Variants in CDK11B observed in about 807,000 individuals in gnomAD.
CDK11B encodes cyclin-dependent kinase 11B.
Under a neutral mutation model 84.0 loss-of-function variants are expected in CDK11B, and 37 were observed. That is an observed-to-expected ratio of 0.44 (90% CI 0.34 to 0.58). The LOEUF (loss-of-function observed/expected upper bound fraction) is 0.58. Among genes scored for constraint, CDK11B ranks in the 20% least tolerant of loss-of-function variants. The pLI is 0.02. For synonymous variants in CDK11B, 269 were observed against 309.8 expected, an observed-to-expected ratio of 0.87 and a Z score of 1.38; for missense variants, 427 against 834.0, an observed-to-expected ratio of 0.51 and a Z score of 6.01.
chr1:1,639,526 C>T (rs1258119026), intron 11 of CDK11B, among the ~76,000 whole-genome samples: 1 of 151,962 alleles, frequency 6.6e-6, no homozygotes, highest in Non-Finnish European at 1.5e-5. Flanking sequence ...CATGATGCCC[C>T]ATGCCAGGGC....
intron 14 of CDK11B, 22 bp downstream of exon 14, chr1:1,637,386 G>T: frequency 1.9e-6 from 3 of 1,609,866 alleles, no homozygotes; most frequent in Non-Finnish European, 1.7e-6. Context: ...TACGCAGACA[G>T]GCCCCTGGGG....
intron 4 of CDK11B, among the ~76,000 whole-genome samples, chr1:1,649,881 C>T (rs1248999596): frequency 1.4e-4 from 20 of 145,146 alleles, no homozygotes; most frequent in African/African-American, 5.1e-4. Context: ...GAGGCTGAGG[C>T]AGAAGAATTG....
At chr1:1,649,393 A>G in intron 5 of CDK11B, 106 bp downstream of exon 5, 1 of 854,126 alleles carries the variant, frequency 1.2e-6, no homozygotes, top group Non-Finnish European at 1.9e-6. Flanking sequence ...GAGCCACCAC[A>G]CCTGGCTCAG....
At chr1:1,650,195 A>G (rs1195473657) in intron 4 of CDK11B, among the ~76,000 whole-genome samples, 47,505 of 140,228 alleles carry the variant, frequency 0.34, 8,841 homozygotes, top group East Asian at 0.51. Flanking sequence ...GCGTGAACCC[A>G]GGAGATGGAA....
intron 3 of CDK11B, among the ~76,000 whole-genome samples, chr1:1,653,090 G>C (rs1642216810): frequency 6.6e-6 from 1 of 152,002 alleles, no homozygotes; most frequent in Admixed American, 6.6e-5. Flanking sequence ...TACGATCTCG[G>C]CTCATTGCAA....
intron 4 of CDK11B, among the ~76,000 whole-genome samples, chr1:1,650,664 C>CTT (rs1185570412): frequency 2.8e-4 from 32 of 114,996 alleles, no homozygotes; most frequent in Middle Eastern, 4.9e-3. Context: ...CGCGCCCGGC[C>CTT]TTTTTTTTTT....
chr1:1,639,526 C>A (rs1258119026), intron 11 of CDK11B, among the ~76,000 whole-genome samples: 3 of 151,962 alleles, frequency 2.0e-5, no homozygotes, highest in Non-Finnish European at 4.4e-5. Flanking sequence ...CATGATGCCC[C>A]ATGCCAGGGC....
intron 6 of CDK11B, among the ~76,000 whole-genome samples, chr1:1,643,684 C>CATT (rs1490538223): frequency 7.0e-6 from 1 of 143,512 alleles, no homozygotes; most frequent in Non-Finnish European, 1.5e-5. Flanking sequence ...AATTCCAGAG[C>CATT]TAATAAGTAC....
chr1:1,650,704 C>T (rs1304174360), intron 4 of CDK11B, among the ~76,000 whole-genome samples: 7 of 139,150 alleles, frequency 5.0e-5, no homozygotes, highest in East Asian at 2.1e-4. Flanking sequence ...GACAGGGTCT[C>T]GCTATATTGG....
intron 4 of CDK11B, 95 bp from the exon 5 acceptor site, chr1:1,649,732 T>C: frequency 7.8e-7 from 1 of 1,287,296 alleles, no homozygotes; most frequent in East Asian, 2.4e-5. Flanking sequence ...CCTAGCACTT[T>C]GGGAGGCTGA....
At position 1,641,615 on chromosome 1, in the gene CDK11B, A is replaced by G. The variant is rs1640320288; in HGVS notation, c.1009+47T>C. ...CAGCTACTTCTCTGCGGTTTCTAAC[A>G]CTATAGTGAAGTCACAACACCTCAC... On this transcript the variant is annotated intron_variant, in intron 9 of 19. Transcript: ENST00000341832. 4 of 1,298,022 alleles carry G rather than the reference A, an allele frequency of 3.1e-6. 2 individuals carry two copies. The highest frequency in any genetic ancestry group is 4.1e-6 in the Non-Finnish European group (4 of 964,104). 80.4% of individuals were successfully genotyped at this position (1,298,022 alleles called of 1,614,324 possible).
rs1482778901 is a variant in CDK11B, at chr1:1,641,498, GA to G, written c.1009+163del. Among the ~76,000 whole-genome samples, 143 of 142,698 alleles carry G rather than the reference GA, an allele frequency of 1.0e-3. 1 individual carries two copies. The highest frequency in any genetic ancestry group is 5.4e-3 in the South Asian group (24 of 4,434). The allele number at this position is 142,698 out of a possible 152,430, so 93.6% of individuals were successfully genotyped here. On this transcript the variant is annotated intron_variant, in intron 9 of 19. Coordinates refer to ENST00000341832, the MANE Select transcript of CDK11B (RefSeq NM_033486.3). ...CACTCCAGCCTGGGCAACAGATCAA[GA>G]TTCCATCTCAAAAAAACAAACAAAA...
chr1:1,657,342 A>G, intron 2 of CDK11B, 33 bp downstream of exon 2: 2 of 1,613,678 alleles, frequency 1.2e-6, no homozygotes, highest in South Asian at 1.1e-5. Flanking sequence ...AATCTCCTTT[A>G]AGAAAACCAC....
At chr1:1,643,158 GC>G (rs1411849999) in intron 6 of CDK11B, among the ~76,000 whole-genome samples, 15 of 61,230 alleles carry the variant, frequency 2.4e-4, no homozygotes, top group African/African-American at 1.3e-3. Flanking sequence ...GTCCCCCGTT[GC>G]CCCCTTCATT....
chr1:1,637,454 G>A lies in CDK11B; in HGVS notation c.1524C>T (p.His508=), dbSNP rs753334765. The change falls in exon 14 of 20, where the codon CAC becomes CAT. Residue 508 remains histidine (H), a synonymous_variant. Coordinates refer to ENST00000341832, the MANE Select transcript of CDK11B (RefSeq NM_033486.3). The part of the protein sequence containing the change: ...KIYIVMNYVE[H]DLKSLMETMK... ...TGGTCTCCATCAGGCTCTTGAGGTC[G>A]TGCTCCACATAGTTCATCACGATGT... 1.9e-5 allele frequency: 30 copies of A among 1,613,612 alleles called. No homozygotes were observed. Among genetic ancestry groups the A allele is most frequent in the South Asian group, 1.3e-4 (12 of 91,074 alleles).
chr1:1,652,409 T>C (rs1177470723), intron 4 of CDK11B, 30 bp downstream of exon 4: 12 of 1,479,520 alleles, frequency 8.1e-6, no homozygotes, highest in South Asian at 1.4e-5. Flanking sequence ...CACTTGAACA[T>C]GATGTCAAAG....
At chr1:1,650,280 A>AAAAAAAAAAAAAAAG (rs1641798269) in intron 4 of CDK11B, among the ~76,000 whole-genome samples, 1 of 150,454 alleles carries the variant, frequency 6.6e-6, no homozygotes, top group Admixed American at 6.6e-5. Context: ...AAAAAAAAAA[A>AAAAAAAAAAAAAAAG]AAAAGAAATT....
At chr1:1,651,905 G>C (rs1430318584) in intron 4 of CDK11B, among the ~76,000 whole-genome samples, 2 of 147,816 alleles carry the variant, frequency 1.4e-5, no homozygotes, top group African/African-American at 2.5e-5. Flanking sequence ...CTTTCAGCTA[G>C]AGTTTGCTCT....
chr1:1,649,473 G>A, intron 5 of CDK11B, 26 bp downstream of exon 5: 1 of 1,502,734 alleles, frequency 6.7e-7, no homozygotes, highest in Non-Finnish European at 9.3e-7. Flanking sequence ...CTTTTATAAA[G>A]TCCTCAACTG....
Sources: allele counts gnomAD v4.1 joint callset (sites outside exome capture counted in the v4.1 genomes callset), GRCh38; gene constraint gnomAD v4.1.1; transcripts MANE v1.5; gene names NCBI Gene and HGNC (gene_info 2026-07-23, HGNC 2026-07-21).